The following SCMH1 variants were observed in gnomAD, a reference collection of about 807,000 sequenced individuals.
SCMH1 encodes the protein polycomb protein SCMH1.
SCMH1 carries 37 observed loss-of-function variants against 70.8 expected under a neutral mutation model. That is an observed-to-expected ratio of 0.52 (90% CI 0.40 to 0.69). The LOEUF (loss-of-function observed/expected upper bound fraction) is 0.69, where lower values mean the gene tolerates loss of function less well. Among genes scored for constraint, SCMH1 ranks in the 30% least tolerant of loss-of-function variants. SCMH1 has a pLI of 0.00. For missense variants in SCMH1, 607 were observed against 827.3 expected (o/e 0.73, Z 3.27); for synonymous variants, 292 against 307.4 (o/e 0.95, Z 0.52).
At chr1:41,134,853 A>G (rs561805410) in intron 6 of SCMH1, among the ~76,000 whole-genome samples, 3 of 152,140 alleles carry the variant, frequency 2.0e-5, no homozygotes, top group Non-Finnish European at 4.4e-5. Flanking sequence ...TGAGGTATAA[A>G]CATACTTTTT....
At chr1:41,090,840 C>T (rs1663222318) in intron 8 of SCMH1, among the ~76,000 whole-genome samples, 3 of 151,868 alleles carry the variant, frequency 2.0e-5, no homozygotes, top group Admixed American at 6.6e-5. Context: ...GAGATCGAGA[C>T]CATCCTGGCT....
chr1:41,205,264 G>A (rs998171484), intron 1 of SCMH1, among the ~76,000 whole-genome samples: 2 of 152,166 alleles, frequency 1.3e-5, no homozygotes, highest in African/African-American at 4.8e-5. Flanking sequence ...GAAGCACAAG[G>A]GTTGGGGGAT....
intron 1 of SCMH1, among the ~76,000 whole-genome samples, chr1:41,189,136 GT>G (rs1370693428): frequency 6.6e-6 from 1 of 152,126 alleles, no homozygotes; most frequent in South Asian, 2.1e-4. Context: ...TCATTAACAA[GT>G]TTTTTTTGTT....
intron 6 of SCMH1, among the ~76,000 whole-genome samples, chr1:41,122,995 G>A (rs996341878): frequency 2.0e-5 from 3 of 152,114 alleles, no homozygotes; most frequent in African/African-American, 7.2e-5. Flanking sequence ...TGACGCAGGA[G>A]GATCACTTCA....
chr1:41,209,708 G>A (rs575270847), intron 1 of SCMH1, among the ~76,000 whole-genome samples: 1 of 152,302 alleles, frequency 6.6e-6, no homozygotes, highest in East Asian at 1.9e-4. Context: ...GTATTGATGG[G>A]ACATATCTCA....
chr1:41,114,826 AC>A (rs1670061016), intron 7 of SCMH1, among the ~76,000 whole-genome samples: 1 of 151,762 alleles, frequency 6.6e-6, no homozygotes, highest in Non-Finnish European at 1.5e-5. Context: ...ACAGGCACAC[AC>A]CACCACACTC....
chr1:41,163,582 T>C (rs1175828470), intron 2 of SCMH1, among the ~76,000 whole-genome samples: 1 of 152,168 alleles, frequency 6.6e-6, no homozygotes, highest in Non-Finnish European at 1.5e-5. Context: ...GGTGTTATCA[T>C]AAGAAGAGAA....
At chr1:41,114,336 T>C (rs1450225975) in intron 7 of SCMH1, among the ~76,000 whole-genome samples, 1 of 152,208 alleles carries the variant, frequency 6.6e-6, no homozygotes, top group Non-Finnish European at 1.5e-5. Context: ...AGATCAAGTT[T>C]CAAAAAATGT....
chr1:41,109,685 T>A (rs1200473379), intron 8 of SCMH1, among the ~76,000 whole-genome samples: 1 of 152,190 alleles, frequency 6.6e-6, no homozygotes, highest in Non-Finnish European at 1.5e-5. Context: ...AGCCTGGTCC[T>A]CTGACCATCT....
At chr1:41,034,332 C>CTTT (rs112747228) in intron 13 of SCMH1, among the ~76,000 whole-genome samples, 2 of 145,798 alleles carry the variant, frequency 1.4e-5, no homozygotes, top group South Asian at 2.2e-4. Context: ...CTTTTCTTTT[C>CTTT]TTTTTTTTTT....
At chr1:41,171,421 G>A (rs534896749) in intron 2 of SCMH1, among the ~76,000 whole-genome samples, 51 of 152,018 alleles carry the variant, frequency 3.4e-4, no homozygotes, top group Non-Finnish European at 6.5e-4. Context: ...GTGGCAATAA[G>A]CTTATGCTCA....
chr1:41,170,879 T>C (rs1488952897), intron 2 of SCMH1, among the ~76,000 whole-genome samples: 2 of 152,212 alleles, frequency 1.3e-5, no homozygotes, highest in Non-Finnish European at 2.9e-5. Flanking sequence ...TTTCCAGAAC[T>C]GGATTCTTAG....
intron 9 of SCMH1, among the ~76,000 whole-genome samples, chr1:41,071,548 GAAT>G (rs570166010): frequency 1.3e-5 from 2 of 152,174 alleles, no homozygotes; most frequent in Non-Finnish European, 2.9e-5. Context: ...ATGCAGTATA[GAAT>G]AATAGAGGAA....
intron 8 of SCMH1, among the ~76,000 whole-genome samples, chr1:41,110,810 G>A (rs1424385806): frequency 6.6e-6 from 1 of 152,176 alleles, no homozygotes; most frequent in Admixed American, 6.5e-5. Flanking sequence ...ATATCTATGA[G>A]TGGACTTACT....
At chr1:41,121,501 T>A (rs1671931898) in intron 6 of SCMH1, among the ~76,000 whole-genome samples, 1 of 152,168 alleles carries the variant, frequency 6.6e-6, no homozygotes, top group South Asian at 2.1e-4. Context: ...TCTATTCAAA[T>A]TAGGCAACGA....
chr1:41,169,106 G>A (rs979658614), intron 2 of SCMH1, among the ~76,000 whole-genome samples: 7 of 152,124 alleles, frequency 4.6e-5, no homozygotes, highest in South Asian at 2.1e-4. Flanking sequence ...CCTACTGTAC[G>A]TCCACCTTTT....
chr1:41,195,389 C>A (rs1360398513), intron 1 of SCMH1, among the ~76,000 whole-genome samples: 1 of 151,540 alleles, frequency 6.6e-6, no homozygotes, highest in Non-Finnish European at 1.5e-5. Context: ...GAGGTTTATT[C>A]CCAGAATATA....
At chr1:41,221,671 T>G (rs896564824) in intron 1 of SCMH1, among the ~76,000 whole-genome samples, 13 of 151,428 alleles carry the variant, frequency 8.6e-5, no homozygotes, top group Admixed American at 2.6e-4. Context: ...GCGGACCACT[T>G]GAGGCCAGGA....
At chr1:41,147,238 G>A (rs147005186) in intron 5 of SCMH1, among the ~76,000 whole-genome samples, 28 of 152,252 alleles carry the variant, frequency 1.8e-4, no homozygotes, top group African/African-American at 6.5e-4. Context: ...TTTCGACCCA[G>A]ATCCCTTTTA....
Sources: allele counts gnomAD v4.1 joint callset (sites outside exome capture counted in the v4.1 genomes callset), GRCh38; gene constraint gnomAD v4.1.1; transcripts MANE v1.5; gene names NCBI Gene and HGNC (gene_info 2026-07-23, HGNC 2026-07-21).